The following RNF212B variants were observed in gnomAD, a reference collection of about 807,000 sequenced individuals.
RNF212B encodes the protein ring finger protein 212B, also known as E3 ubiquitin-protein ligase RNF212B.
RNF212B carries 52 observed loss-of-function variants against 55.5 expected under a neutral mutation model. That is an observed-to-expected ratio of 0.94 (90% confidence interval 0.75 to 1.18). The LOEUF (loss-of-function observed/expected upper bound fraction) is 1.18, where lower values mean the gene tolerates loss of function less well. Among genes scored for constraint, RNF212B ranks in the 50% most tolerant of loss-of-function variants. The pLI is 0.00. For missense variants in RNF212B, 289 were observed against 350.4 expected, an observed-to-expected ratio of 0.82 and a Z score of 1.40; for synonymous variants, 99 against 121.4, an observed-to-expected ratio of 0.82 and a Z score of 1.21.
chr14:23,234,058 C>T (rs1198844090), upstream of RNF212B, among the ~76,000 whole-genome samples: 2 of 152,160 alleles, frequency 1.3e-5, no homozygotes, highest in Admixed American at 1.3e-4. Flanking sequence ...GATAGTACCA[C>T]TGCACTTGCA....
intron 2 of RNF212B, among the ~76,000 whole-genome samples, chr14:23,201,941 C>T (rs1157546972): frequency 6.6e-6 from 1 of 151,994 alleles, no homozygotes; most frequent in African/African-American, 2.4e-5. Context: ...CCTTTTATAA[C>T]CTTTATAAAC....
intron 2 of RNF212B, among the ~76,000 whole-genome samples, chr14:23,232,554 G>A (rs979314791): frequency 7.3e-5 from 11 of 151,628 alleles, no homozygotes; most frequent in Non-Finnish European, 1.0e-4. Context: ...GGGAGGTGGG[G>A]GTCAGCCCCC....
At chr14:23,260,374 A>C (rs992566283) in intron 6 of RNF212B, among the ~76,000 whole-genome samples, 4 of 152,204 alleles carry the variant, frequency 2.6e-5, no homozygotes, top group Non-Finnish European at 5.9e-5. Flanking sequence ...TTATTCTAGC[A>C]CATTGTAGTG....
intron 2 of RNF212B, among the ~76,000 whole-genome samples, chr14:23,194,322 C>T (rs1475909886): frequency 2.0e-5 from 3 of 152,034 alleles, no homozygotes; most frequent in African/African-American, 7.3e-5. Flanking sequence ...ATATGACAAT[C>T]TTGAACTTCT....
At chr14:23,222,373 T>C (rs747009422) in intron 2 of RNF212B, among the ~76,000 whole-genome samples, 25 of 152,218 alleles carry the variant, frequency 1.6e-4, no homozygotes, top group Non-Finnish European at 3.1e-4. Flanking sequence ...GTCAATAAAT[T>C]GGAAAATCTA....
intron 4 of RNF212B, 85 bp from the exon 5 acceptor site, chr14:23,258,464 T>A: frequency 1.7e-6 from 1 of 601,962 alleles, no homozygotes; most frequent in South Asian, 2.3e-5. Context: ...TAATAAAGTG[T>A]GATTTGATGG....
intron 2 of RNF212B, among the ~76,000 whole-genome samples, chr14:23,200,930 C>T (rs1879225863): frequency 6.6e-6 from 1 of 152,164 alleles, no homozygotes; most frequent in South Asian, 2.1e-4. Context: ...AGTTAAGAAG[C>T]TCACAAATAG....
intron 2 of RNF212B, among the ~76,000 whole-genome samples, chr14:23,223,792 G>C (rs571982316): frequency 1.3e-5 from 2 of 152,284 alleles, no homozygotes; most frequent in Admixed American, 6.5e-5. Context: ...AAAGGAAAAG[G>C]TCAAATTATC....
At chr14:23,189,825 G>A (rs1365518587) in intron 1 of RNF212B, among the ~76,000 whole-genome samples, 1 of 151,984 alleles carries the variant, frequency 6.6e-6, no homozygotes, top group Non-Finnish European at 1.5e-5. Context: ...GTGAAAAAAT[G>A]AACAGAACTT....
chr14:23,186,309 T>TA (rs904734038), intron 1 of RNF212B, among the ~76,000 whole-genome samples: 4 of 151,194 alleles, frequency 2.6e-5, no homozygotes, highest in African/African-American at 7.3e-5. Context: ...CAAAAATCTG[T>TA]AAAAAATTAC....
intron 2 of RNF212B, 50 bp downstream of exon 2, chr14:23,240,495 G>A (rs1033659748): frequency 2.4e-5 from 29 of 1,219,874 alleles, no homozygotes; most frequent in South Asian, 6.6e-5. Context: ...TTTCATGTAA[G>A]GATGTAAGGA....
At chr14:23,215,935 G>A (rs1389520828) in intron 2 of RNF212B, among the ~76,000 whole-genome samples, 1 of 152,168 alleles carries the variant, frequency 6.6e-6, no homozygotes, top group Non-Finnish European at 1.5e-5. Context: ...CATGTATAAT[G>A]TAATCTCTAG....
At chr14:23,200,045 A>C (rs1009136673) in intron 2 of RNF212B, among the ~76,000 whole-genome samples, 3 of 152,012 alleles carry the variant, frequency 2.0e-5, no homozygotes, top group Non-Finnish European at 4.4e-5. Context: ...GCAAGACTAG[A>C]CTCTAACAAC....
chr14:23,221,271 A>G (rs184244162), intron 2 of RNF212B, among the ~76,000 whole-genome samples: 96 of 152,164 alleles, frequency 6.3e-4, no homozygotes, highest in Admixed American at 2.9e-3. Flanking sequence ...CTTCACTTAT[A>G]CAGATACACA....
chr14:23,228,976 A>G (rs1882284118), intron 2 of RNF212B, among the ~76,000 whole-genome samples: 1 of 151,916 alleles, frequency 6.6e-6, no homozygotes, highest in South Asian at 2.1e-4. Context: ...ATAATTTTTC[A>G]TAACCACTAA....
chr14:23,208,820 G>A (rs534610402), intron 2 of RNF212B, among the ~76,000 whole-genome samples: 2 of 117,940 alleles, frequency 1.7e-5, no homozygotes, highest in East Asian at 3.0e-4. Context: ...GTGCAATGGC[G>A]CGATCTCAGG....
At chr14:23,248,992 G>A (rs1270448272) in intron 4 of RNF212B, among the ~76,000 whole-genome samples, 2 of 152,306 alleles carry the variant, frequency 1.3e-5, no homozygotes, top group East Asian at 3.9e-4. Flanking sequence ...TAGACAGCAT[G>A]TAAGCAGCCA....
At chr14:23,195,778 T>C (rs766107808) in intron 2 of RNF212B, among the ~76,000 whole-genome samples, 24 of 152,346 alleles carry the variant, frequency 1.6e-4, no homozygotes, top group Non-Finnish European at 2.1e-4. Flanking sequence ...AGACACTTCA[T>C]GTAACAAGGA....
At position 23,252,098 on chromosome 14, in the gene RNF212B, C is replaced by CG. The variant is rs1884459778; in HGVS notation, c.229-6450dup. ...TCTCTGATTGTCAGGGGTTGGGGGG[C>CG]GTGGGAAGAAAGGTTGGGACCCCAA... is the stretch of plus-strand genomic sequence containing the variant. On this transcript the variant is annotated intron_variant, in intron 4 of 14. Coordinates refer to ENST00000430154, the MANE Select transcript of RNF212B (RefSeq NM_001282322.3). Among the ~76,000 whole-genome samples the CG allele has an allele frequency of 2.0e-5, 3 of 151,278 alleles. No homozygotes were observed. In the South Asian group the frequency reaches 6.3e-4, roughly 32 times the overall value.
Sources: allele counts gnomAD v4.1 joint callset (sites outside exome capture counted in the v4.1 genomes callset), GRCh38; gene constraint gnomAD v4.1.1; transcripts MANE v1.5; gene names NCBI Gene and HGNC (gene_info 2026-07-23, HGNC 2026-07-21).